Variants in ATXN1 observed in about 807,000 individuals in gnomAD.
The protein encoded by ATXN1 is ataxin 1, also known as ataxin-1.
In ATXN1, 8 loss-of-function variants were observed where a neutral mutation model predicts 56.4. That is an observed-to-expected ratio of 0.14 (90% CI 0.08 to 0.26). The LOEUF (loss-of-function observed/expected upper bound fraction) is 0.26, where lower values mean the gene tolerates loss of function less well. ATXN1 is among the 10% of genes least tolerant of loss of function. The pLI is 1.00. For synonymous variants in ATXN1, 514 were observed against 494.6 expected (o/e 1.04, Z -0.52); for missense variants, 987 against 1,106.5 (o/e 0.89, Z 1.53).
chr6:16,380,544 C>T (rs1049707252), intron 6 of ATXN1, among the ~76,000 whole-genome samples: 5 of 151,644 alleles, frequency 3.3e-5, no homozygotes, highest in Non-Finnish European at 5.9e-5. Flanking sequence ...TCAAAACTAA[C>T]GTGGCATTCA....
At chr6:16,683,354 A>C (rs561461451) in intron 2 of ATXN1, among the ~76,000 whole-genome samples, 1 of 152,298 alleles carries the variant, frequency 6.6e-6, no homozygotes, top group East Asian at 1.9e-4. Context: ...GTGTTCCAAA[A>C]CTAACTGTGG....
intron 6 of ATXN1, among the ~76,000 whole-genome samples, chr6:16,359,350 T>G (rs1380407593): frequency 1.3e-5 from 2 of 151,936 alleles, no homozygotes; most frequent in Non-Finnish European, 2.9e-5. Flanking sequence ...CTTCCTCCCC[T>G]CTGAGGTCCA....
intron 6 of ATXN1, among the ~76,000 whole-genome samples, chr6:16,353,305 A>C (rs1395662832): frequency 6.6e-6 from 1 of 152,152 alleles, no homozygotes; most frequent in East Asian, 1.9e-4. Context: ...GAAAGCAGAA[A>C]GGAAAAGCGC....
At chr6:16,734,393 C>T (rs996077191) in intron 2 of ATXN1, among the ~76,000 whole-genome samples, 18 of 150,364 alleles carry the variant, frequency 1.2e-4, no homozygotes, top group East Asian at 7.8e-4. Context: ...CATGATGGTG[C>T]GAGAAAAGAA....
intron 5 of ATXN1, among the ~76,000 whole-genome samples, chr6:16,502,763 G>A (rs1561729014): frequency 6.6e-6 from 1 of 152,110 alleles, no homozygotes; most frequent in Non-Finnish European, 1.5e-5. Context: ...GAGAATAAAA[G>A]GCAAGTTATA....
chr6:16,494,037 T>C (rs1346910611), intron 5 of ATXN1, among the ~76,000 whole-genome samples: 2 of 151,908 alleles, frequency 1.3e-5, no homozygotes, highest in Non-Finnish European at 2.9e-5. Context: ...CCAAGGAGCT[T>C]AAGTGGCAGG....
At chr6:16,732,183 A>G (rs1440292804) in intron 2 of ATXN1, among the ~76,000 whole-genome samples, 1 of 152,198 alleles carries the variant, frequency 6.6e-6, no homozygotes, top group African/African-American at 2.4e-5. Flanking sequence ...CAAAAAGATG[A>G]GATAGAACAT....
intron 6 of ATXN1, among the ~76,000 whole-genome samples, chr6:16,441,166 C>A (rs1561897060): frequency 6.6e-6 from 1 of 152,076 alleles, no homozygotes; most frequent in South Asian, 2.1e-4. Flanking sequence ...CTCTTGAGAC[C>A]AACAAATCTA....
intron 2 of ATXN1, among the ~76,000 whole-genome samples, chr6:16,705,298 G>A (rs187929399): frequency 3.9e-5 from 6 of 152,246 alleles, no homozygotes; most frequent in East Asian, 1.9e-4. Context: ...AGGATACCTC[G>A]TCCTCTGTGA....
intron 3 of ATXN1, among the ~76,000 whole-genome samples, chr6:16,611,895 T>C: frequency 8.0e-6 from 1 of 125,758 alleles, no homozygotes. Context: ...AGTCTCACTC[T>C]GTTGCCCATT....
At chr6:16,575,230 G>A (rs1762401759) in intron 4 of ATXN1, among the ~76,000 whole-genome samples, 1 of 149,150 alleles carries the variant, frequency 6.7e-6, no homozygotes, top group Non-Finnish European at 1.5e-5. Context: ...TCCTGTTTCT[G>A]CATATACTTT....
At chr6:16,680,311 G>A (rs1048405123) in intron 2 of ATXN1, among the ~76,000 whole-genome samples, 3 of 152,148 alleles carry the variant, frequency 2.0e-5, no homozygotes, top group Admixed American at 6.5e-5. Flanking sequence ...TTTGCTTTCA[G>A]AAGCCCCAGA....
chr6:16,397,076 T>G (rs1180888381), intron 6 of ATXN1, among the ~76,000 whole-genome samples: 1 of 152,204 alleles, frequency 6.6e-6, no homozygotes, highest in African/African-American at 2.4e-5. Flanking sequence ...CATTATTAAG[T>G]GATGCACGAC....
intron 2 of ATXN1, among the ~76,000 whole-genome samples, chr6:16,742,269 C>A (rs1217367965): frequency 6.6e-6 from 1 of 152,096 alleles, no homozygotes; most frequent in Non-Finnish European, 1.5e-5. Flanking sequence ...TTCTTTCCCA[C>A]TTCCTTAGAT....
chr6:16,442,121 TAG>T (rs1266231989), intron 6 of ATXN1, among the ~76,000 whole-genome samples: 1 of 152,132 alleles, frequency 6.6e-6, no homozygotes, highest in Non-Finnish European at 1.5e-5. Flanking sequence ...GACAGAAAAT[TAG>T]AGTGTCACCC....
At chr6:16,754,441 T>C (rs1760825793) in intron 1 of ATXN1, among the ~76,000 whole-genome samples, 3 of 152,272 alleles carry the variant, frequency 2.0e-5, no homozygotes, top group African/African-American at 7.2e-5. Flanking sequence ...ATGAATATGA[T>C]CTCCAATGTG....
chr6:16,409,881 G>T lies in ATXN1; in HGVS notation c.-161+76091C>A, dbSNP rs1053550014. Among the ~76,000 whole-genome samples the T allele has an allele frequency of 5.3e-5, 8 of 152,154 alleles. No homozygotes were observed. The South Asian group carries it at 1.7e-3, about 32-fold the overall frequency. ...TGTGCTCCACCTGCTGGCCTTCTGG[G>T]GAAGCTGCGTCTGGGCTGATGATGC... is the stretch of plus-strand genomic sequence containing the variant. On this transcript the variant is annotated intron_variant, in intron 6 of 7. Transcript: ENST00000436367.
intron 6 of ATXN1, among the ~76,000 whole-genome samples, chr6:16,350,001 A>G (rs1761533450): frequency 6.6e-6 from 1 of 152,256 alleles, no homozygotes; most frequent in Non-Finnish European, 1.5e-5. Flanking sequence ...CCTAACTAGA[A>G]TCTCTACAAC....
chr6:16,403,924 A>G (rs974426912), intron 6 of ATXN1, among the ~76,000 whole-genome samples: 6 of 151,816 alleles, frequency 4.0e-5, no homozygotes, highest in African/African-American at 1.5e-4. Context: ...AAAAAAAAAA[A>G]TCTCAAAGTA....
Sources: gnomAD v4.1 joint callset for allele counts (sites outside exome capture counted in the v4.1 genomes callset) on GRCh38, gnomAD v4.1.1 for gene constraint, MANE v1.5 for transcripts, NCBI Gene and HGNC (gene_info 2026-07-23, HGNC 2026-07-21) for gene names.